SGCD: variants seen among roughly 807,000 people sequenced by gnomAD.
SGCD encodes delta-sarcoglycan.
Under a neutral mutation model 36.6 loss-of-function variants are expected in SGCD, and 18 were observed. The observed-to-expected ratio is 0.49, with a 90% CI of 0.34 to 0.73. The LOEUF (loss-of-function observed/expected upper bound fraction) is 0.73, where lower values mean the gene tolerates loss of function less well. Among genes scored for constraint, SGCD ranks in the 30% least tolerant of loss-of-function variants. The pLI is 0.01. For missense variants in SGCD, 387 were observed against 346.7 expected (o/e 1.12, Z -0.92); for synonymous variants, 133 against 130.6 (o/e 1.02, Z -0.12).
intron 3 of SGCD, among the ~76,000 whole-genome samples, chr5:156,193,826 C>T (rs933312306): frequency 2.6e-5 from 4 of 152,090 alleles, no homozygotes; most frequent in Admixed American, 6.6e-5. Flanking sequence ...TTTTCAAGTT[C>T]GCAAACAGGT....
intron 2 of SGCD, among the ~76,000 whole-genome samples, chr5:156,329,860 A>G (rs1242861581): frequency 6.6e-6 from 1 of 151,816 alleles, no homozygotes; most frequent in African/African-American, 2.4e-5. Flanking sequence ...TACTAAAAAT[A>G]CCAAAAATTA....
chr5:156,141,089 A>G (rs879300066), intron 3 of SGCD, among the ~76,000 whole-genome samples: 7 of 152,206 alleles, frequency 4.6e-5, no homozygotes, highest in Non-Finnish European at 1.0e-4. Context: ...GTATAAACCA[A>G]AAATCTTGGT....
chr5:156,299,457 AT>A (rs1766992627), intron 3 of SGCD, among the ~76,000 whole-genome samples: 1 of 151,604 alleles, frequency 6.6e-6, no homozygotes, highest in African/African-American at 2.4e-5. Flanking sequence ...TTTTTTTTCT[AT>A]TTCTTTGAAG....
intron 2 of SGCD, among the ~76,000 whole-genome samples, chr5:156,120,472 G>C (rs994610681): frequency 1.3e-5 from 2 of 152,240 alleles, no homozygotes; most frequent in South Asian, 4.2e-4. Context: ...AAAACTGCTA[G>C]AACAAAGGCT....
chr5:156,222,994 C>G (rs932885667), intron 3 of SGCD, among the ~76,000 whole-genome samples: 2 of 152,072 alleles, frequency 1.3e-5, no homozygotes, highest in Admixed American at 1.3e-4. Context: ...CTCCCCCTAC[C>G]CACCCAACAA....
intron 1 of SGCD, among the ~76,000 whole-genome samples, chr5:156,078,583 A>ATTTATATT (rs200639684): frequency 4.7e-4 from 66 of 139,862 alleles, no homozygotes; most frequent in African/African-American, 1.7e-3. Flanking sequence ...TTATATTTAT[A>ATTTATATT]TATATTTATA....
rs1367793789 is a variant in SGCD, at chr5:156,760,523, C to T, written c.*1133C>T. On this transcript the variant is annotated 3_prime_UTR_variant, in exon 9 of 9. Transcript: ENST00000337851. ...TGCCGGGATATTCATATTCCTAAAGCCACTATTGTGTTTTCTCTAAGAAGC... is the reference window on the plus strand; with the variant it reads ...TGCCGGGATATTCATATTCCTAAAGTCACTATTGTGTTTTCTCTAAGAAGC... 1 of 152,480 alleles carries T rather than the reference C, an allele frequency of 6.6e-6. No homozygotes were observed. Among genetic ancestry groups the T allele is most frequent in the East Asian group, 1.9e-4 (1 of 5,200 alleles). 9.4% of individuals were successfully genotyped at this position (152,480 alleles called of 1,614,324 possible).
At chr5:156,601,203 A>G (rs1229145948) in intron 6 of SGCD, among the ~76,000 whole-genome samples, 2 of 152,188 alleles carry the variant, frequency 1.3e-5, no homozygotes, top group African/African-American at 4.8e-5. Flanking sequence ...CACCTAAAAA[A>G]TCCTTCCTTA....
intron 1 of SGCD, among the ~76,000 whole-genome samples, chr5:155,908,772 C>G (rs1013644586): frequency 3.3e-5 from 5 of 152,028 alleles, no homozygotes; most frequent in African/African-American, 1.2e-4. Context: ...GGGCTGGGGA[C>G]CTGACCCAGG....
the SGCD span, among the ~76,000 whole-genome samples, chr5:155,733,806 T>C: frequency 1.3e-5 from 2 of 152,046 alleles, no homozygotes; most frequent in Non-Finnish European, 2.9e-5. Context: ...GGTCTGGTGA[T>C]TTGACTTCAT....
chr5:156,642,085 A>G (rs1312772169), intron 6 of SGCD, among the ~76,000 whole-genome samples: 4 of 152,116 alleles, frequency 2.6e-5, no homozygotes, highest in Non-Finnish European at 5.9e-5. Flanking sequence ...GCAGACATCC[A>G]TCATCTTACT....
chr5:156,413,060 G>A lies in SGCD; in HGVS notation c.192+68383G>A, dbSNP rs572369454. Among the ~76,000 whole-genome samples, 6 of 152,148 alleles carry A rather than the reference G, an allele frequency of 3.9e-5. No homozygotes were observed. The East Asian group carries it at 1.2e-3, about 29-fold the overall frequency. ...GATCCACCTGCCTCGGCCTCCCAAA[G>A]TGCTGGGATTACAGGCGTGAGCCAC... On this transcript the variant is annotated intron_variant, in intron 3 of 8. Coordinates refer to ENST00000337851, the MANE Select transcript of SGCD (RefSeq NM_000337.6).
chr5:156,121,428 G>C (rs943227593), intron 2 of SGCD, among the ~76,000 whole-genome samples: 4 of 152,030 alleles, frequency 2.6e-5, no homozygotes, highest in Non-Finnish European at 5.9e-5. Flanking sequence ...GTTCCACAGT[G>C]GTGGAACCGG....
intron 1 of SGCD, among the ~76,000 whole-genome samples, chr5:156,070,666 C>A (rs1440197684): frequency 6.6e-6 from 1 of 152,014 alleles, no homozygotes; most frequent in Non-Finnish European, 1.5e-5. Context: ...AGGGAGGATT[C>A]CCCCTTTTTC....
At chr5:156,405,979 G>T (rs1240826951) in intron 3 of SGCD, among the ~76,000 whole-genome samples, 1 of 136,076 alleles carries the variant, frequency 7.3e-6, no homozygotes, top group Non-Finnish European at 1.5e-5. Flanking sequence ...CCACTCCTGT[G>T]TGTAGATATC....
chr5:156,563,153 T>A (rs565594927), intron 4 of SGCD, among the ~76,000 whole-genome samples: 1 of 152,184 alleles, frequency 6.6e-6, no homozygotes, highest in South Asian at 2.1e-4. Context: ...GGCAAATTTT[T>A]GTATTTTTAG....
chr5:156,102,902 T>C (rs1040595435), intron 1 of SGCD, among the ~76,000 whole-genome samples: 23 of 152,196 alleles, frequency 1.5e-4, no homozygotes, highest in Admixed American at 1.2e-3. Context: ...TAAATTGACA[T>C]ACATATTTTT....
intron 3 of SGCD, among the ~76,000 whole-genome samples, chr5:156,214,940 A>G (rs1009721710): frequency 6.6e-6 from 1 of 152,222 alleles, no homozygotes; most frequent in Non-Finnish European, 1.5e-5. Flanking sequence ...AGATGCAAAA[A>G]TAAAATCAAA....
At chr5:156,277,624 G>T (rs1251694761) in intron 3 of SGCD, among the ~76,000 whole-genome samples, 1 of 152,102 alleles carries the variant, frequency 6.6e-6, no homozygotes, top group East Asian at 1.9e-4. Context: ...AGACTGAGTA[G>T]GTTTGCAATC....
Sources: gnomAD v4.1 joint callset for allele counts (sites outside exome capture counted in the v4.1 genomes callset) on GRCh38, gnomAD v4.1.1 for gene constraint, MANE v1.5 for transcripts, NCBI Gene and HGNC (gene_info 2026-07-23, HGNC 2026-07-21) for gene names.